CNTN3: variants seen among roughly 807,000 people sequenced by gnomAD.
CNTN3 encodes the protein contactin 3.
In CNTN3, 60 loss-of-function variants were observed where a neutral mutation model predicts 119.1. The observed-to-expected ratio is 0.50, with a 90% CI of 0.41 to 0.62. CNTN3 has a LOEUF of 0.62. Ranked by LOEUF, CNTN3 falls within the 20% of genes least tolerant of loss-of-function variation. The probability of loss-of-function intolerance (pLI) is 0.00; values close to 1 mark genes in which losing one functional copy is unlikely to be tolerated. For synonymous variants in CNTN3, 450 were observed against 438.7 expected (o/e 1.03, Z -0.32); for missense variants, 1,101 against 1,242.4 (o/e 0.89, Z 1.71).
chr3:74,554,635 C>T (rs1704042548), intron 1 of CNTN3, among the ~76,000 whole-genome samples: 1 of 152,160 alleles, frequency 6.6e-6, no homozygotes, highest in African/African-American at 2.4e-5. Flanking sequence ...TCCTTCACAT[C>T]CCTTGTAAGT....
At chr3:74,582,564 C>A (rs1185185186) in intron 1 of CNTN3, among the ~76,000 whole-genome samples, 1 of 152,092 alleles carries the variant, frequency 6.6e-6, no homozygotes, top group Non-Finnish European at 1.5e-5. Flanking sequence ...AAAAGAAGAT[C>A]TATACATGAT....
In CNTN3 at chr3:74,371,252, A is replaced by AAAC; in HGVS notation, c.601_602insGTT (p.Met201delinsSerLeu). On this transcript the variant is annotated protein_altering_variant, in exon 6 of 23. Coordinates refer to ENST00000263665, the MANE Select transcript of CNTN3 (RefSeq NM_020872.3). ...GCCCAGCACTCGGGCATTTGTCACC[A>AAAC]TACTTGTCACCACACATGTGTAATT... is the stretch of plus-strand genomic sequence containing the variant. 1 of 1,613,564 alleles carries AAAC rather than the reference A, an allele frequency of 6.2e-7. No homozygotes were observed. Among genetic ancestry groups the AAAC allele is most frequent in the African/African-American group, 1.3e-5 (1 of 75,004 alleles).
chr3:74,426,539 C>T (rs527925624), intron 4 of CNTN3, among the ~76,000 whole-genome samples: 18 of 152,224 alleles, frequency 1.2e-4, no homozygotes, highest in African/African-American at 4.1e-4. Flanking sequence ...GCCTATGTGC[C>T]TCACGTTATT....
At chr3:74,389,481 T>C (rs931527187) in intron 5 of CNTN3, among the ~76,000 whole-genome samples, 5 of 152,292 alleles carry the variant, frequency 3.3e-5, no homozygotes, top group African/African-American at 1.2e-4. Flanking sequence ...TTACATATAC[T>C]GAGAAAAGTA....
chr3:74,581,823 T>C (rs1704514279), intron 1 of CNTN3, among the ~76,000 whole-genome samples: 1 of 152,200 alleles, frequency 6.6e-6, no homozygotes, highest in African/African-American at 2.4e-5. Flanking sequence ...TCTTTTCTTT[T>C]TAACCAAGAC....
intron 5 of CNTN3, among the ~76,000 whole-genome samples, chr3:74,422,379 T>C (rs1575709425): frequency 6.6e-6 from 1 of 152,218 alleles, no homozygotes; most frequent in African/African-American, 2.4e-5. Context: ...CGTCTTCACC[T>C]ACAATCCTAT....
intron 8 of CNTN3, among the ~76,000 whole-genome samples, chr3:74,367,997 C>T (rs1704239978): frequency 6.6e-6 from 1 of 151,968 alleles, no homozygotes; most frequent in South Asian, 2.1e-4. Flanking sequence ...GCTCCCTCAC[C>T]CCCTATTTCC....
intron 4 of CNTN3, among the ~76,000 whole-genome samples, chr3:74,475,868 A>T (rs1702644830): frequency 6.6e-6 from 1 of 152,188 alleles, no homozygotes. Context: ...TCCCAGCCGA[A>T]GCTGACCAAA....
chr3:74,533,014 A>T (rs931451214), intron 1 of CNTN3, among the ~76,000 whole-genome samples: 5 of 151,906 alleles, frequency 3.3e-5, no homozygotes, highest in Admixed American at 6.6e-5. Flanking sequence ...CATGGCCAAA[A>T]CAGAAAAGCT....
chr3:74,401,073 G>GAT (rs1297085217), intron 5 of CNTN3, among the ~76,000 whole-genome samples: 1 of 152,108 alleles, frequency 6.6e-6, no homozygotes, highest in African/African-American at 2.4e-5. Context: ...ACTCAAGAGG[G>GAT]ATAAACTCGT....
At chr3:74,541,315 T>C (rs1040625933) in intron 1 of CNTN3, among the ~76,000 whole-genome samples, 3 of 152,158 alleles carry the variant, frequency 2.0e-5, no homozygotes, top group Non-Finnish European at 4.4e-5. Flanking sequence ...AGCAGCATCA[T>C]AGCTAATAGC....
intron 5 of CNTN3, among the ~76,000 whole-genome samples, chr3:74,376,265 C>T (rs1441327236): frequency 6.6e-6 from 1 of 152,124 alleles, no homozygotes; most frequent in Non-Finnish European, 1.5e-5. Flanking sequence ...GGTTCATGGA[C>T]CAGTACTGGT....
At chr3:74,525,061 A>G (rs1703599117) in intron 1 of CNTN3, among the ~76,000 whole-genome samples, 1 of 151,826 alleles carries the variant, frequency 6.6e-6, no homozygotes, top group South Asian at 2.1e-4. Context: ...TGCAAGTTTA[A>G]TCAGGGAGGT....
intron 4 of CNTN3, among the ~76,000 whole-genome samples, chr3:74,485,355 A>G (rs944091703): frequency 1.3e-5 from 2 of 152,144 alleles, no homozygotes; most frequent in African/African-American, 4.8e-5. Flanking sequence ...TAATATAAAC[A>G]TCACATATAG....
In CNTN3 at chr3:74,301,473, G is replaced by T; in HGVS notation, c.2020C>A (p.Arg674=). 6.2e-7 allele frequency: 1 copy of T among 1,614,020 alleles called. No individual in the cohort carries two copies. Among genetic ancestry groups the T allele is most frequent in the Non-Finnish European group, 8.5e-7 (1 of 1,179,954 alleles). Residue 674 remains arginine (R), a synonymous_variant, in exon 16 of 23, where the codon CGG becomes AGG. Coordinates refer to ENST00000263665, the MANE Select transcript of CNTN3 (RefSeq NM_020872.3). ...CCAATTTTGTTACTGGCTACAACCC[G>T]AAATTCATATTCCACCCATGGGTTT... ...ELNPWVEYEF[R]VVASNKIGGG...
chr3:74,533,863 G>A (rs1345782438), intron 1 of CNTN3, among the ~76,000 whole-genome samples: 1 of 152,152 alleles, frequency 6.6e-6, no homozygotes, highest in East Asian at 1.9e-4. Context: ...GTTTTGGGTA[G>A]CCACTTGCTG....
intron 1 of CNTN3, among the ~76,000 whole-genome samples, chr3:74,543,266 A>C (rs1261929231): frequency 6.6e-6 from 1 of 152,218 alleles, no homozygotes; most frequent in Non-Finnish European, 1.5e-5. Flanking sequence ...TGATGCGACC[A>C]AAAAATAAGA....
At chr3:74,349,086 T>C (rs114158989) in intron 11 of CNTN3, among the ~76,000 whole-genome samples, 7,673 of 149,968 alleles carry the variant, frequency 0.051, 630 homozygotes, top group African/African-American at 0.17. Context: ...ACCCTGTCTC[T>C]TAAAAAAAAA....
chr3:74,445,970 CTTCA>C (rs778995785), intron 4 of CNTN3, among the ~76,000 whole-genome samples: 81 of 152,170 alleles, frequency 5.3e-4, no homozygotes, highest in Admixed American at 1.4e-3. Context: ...TTGTGCGGCA[CTTCA>C]TTGTCACAAC....
Sources: gnomAD v4.1 joint callset for allele counts (sites outside exome capture counted in the v4.1 genomes callset) on GRCh38, gnomAD v4.1.1 for gene constraint, MANE v1.5 for transcripts, NCBI Gene and HGNC (gene_info 2026-07-23, HGNC 2026-07-21) for gene names.